The following LRRC4B variants were observed in gnomAD, a reference collection of about 807,000 sequenced individuals.
The protein encoded by LRRC4B is leucine-rich repeat-containing protein 4B.
A neutral mutation model predicts 7.3 loss-of-function variants in LRRC4B; 1 was observed. The ratio of observed to expected loss-of-function variants is 0.14; its 90% CI spans 0.05 to 0.65. LRRC4B has a LOEUF of 0.65. Ranked by LOEUF, LRRC4B falls within the 30% of genes least tolerant of loss-of-function variation. LRRC4B has a pLI of 0.84. For synonymous variants in LRRC4B, 500 were observed against 499.2 expected (o/e 1.00, Z -0.02); for missense variants, 730 against 1,041.6 (o/e 0.70, Z 4.12).
chr19:50,541,312 C>A lies in LRRC4B; in HGVS notation c.297+7230G>T, dbSNP rs1200276599. On this transcript the variant is annotated intron_variant, in intron 2 of 2. Coordinates refer to ENST00000652263, the MANE Select transcript of LRRC4B (RefSeq NM_001080457.2). ...CCTGGGAGGCGGAGGTTGCAGTGAG[C>A]CAAGATTGCACCACTGCACTCCAGC... Among the ~76,000 whole-genome samples, 5 of 147,900 alleles carry A rather than the reference C, an allele frequency of 3.4e-5. No individual in the cohort carries two copies. In the East Asian group the frequency reaches 9.7e-4, roughly 29 times the overall value.
At chr19:50,525,186 C>T (rs1476069907) in intron 2 of LRRC4B, among the ~76,000 whole-genome samples, 1 of 152,174 alleles carries the variant, frequency 6.6e-6, no homozygotes, top group Non-Finnish European at 1.5e-5. Context: ...GTCACTTGAG[C>T]TCTCTGTACC....
At chr19:50,557,028 T>C (rs1347439585) in intron 1 of LRRC4B, among the ~76,000 whole-genome samples, 3 of 151,796 alleles carry the variant, frequency 2.0e-5, no homozygotes, top group African/African-American at 7.3e-5. Context: ...GAAGGACCCC[T>C]CTGAGTGGAC....
At chr19:50,543,366 GTC>G (rs1447790066) in intron 2 of LRRC4B, among the ~76,000 whole-genome samples, 1 of 151,108 alleles carries the variant, frequency 6.6e-6, no homozygotes, top group Admixed American at 6.6e-5. Flanking sequence ...GTGTGTGTGT[GTC>G]TCTGTGTGTA....
intron 1 of LRRC4B, among the ~76,000 whole-genome samples, chr19:50,552,696 C>T (rs1483729198): frequency 8.0e-5 from 12 of 150,760 alleles, no homozygotes; most frequent in East Asian, 1.9e-4. Context: ...ATCCGTCCAT[C>T]CATCCGCCCA....
At chr19:50,542,441 G>A (rs958188395) in intron 2 of LRRC4B, among the ~76,000 whole-genome samples, 59 of 152,142 alleles carry the variant, frequency 3.9e-4, no homozygotes, top group Non-Finnish European at 1.9e-4. Context: ...CAGTGGTGGG[G>A]CCGGGGCAGG....
chr19:50,542,469 ATTTTT>A (rs58092334), intron 2 of LRRC4B, among the ~76,000 whole-genome samples: 1 of 107,234 alleles, frequency 9.3e-6, no homozygotes, highest in South Asian at 3.0e-4. Flanking sequence ...AGAATTGCTG[ATTTTT>A]TTTTTTTTTT....
rs571882889 is a variant in LRRC4B at position 50,553,103 on chromosome 19, G to T, written c.-35-4230C>A. On this transcript the variant is annotated intron_variant, in intron 1 of 2. Transcript: ENST00000652263. This position sits in a 1 kb window ranked among gnomAD's most constrained non-coding sequence, Gnocchi z 4.2. The stretch of plus-strand genomic sequence containing the variant: ...AAAGAGTTCTGTCTTCACAACATAT[G>T]CGGAATCAGACCCCAGAATCAGAGG... Among the ~76,000 whole-genome samples the T allele has an allele frequency of 2.1e-4, 32 of 152,124 alleles. No individual in the cohort carries two copies. The highest frequency in any genetic ancestry group is 3.8e-4 in the Non-Finnish European group (26 of 68,024).
chr19:50,530,345 CCCCTCACTCGCAG>C (rs1490186156), intron 2 of LRRC4B, among the ~76,000 whole-genome samples: 4 of 152,182 alleles, frequency 2.6e-5, no homozygotes, highest in African/African-American at 7.2e-5. Context: ...CTCTGCATGG[CCCCTCACTCGCAG>C]CCCTCACTCG....
At chr19:50,545,392 GAGTGAAACTCCATCTCAAAAAAAAAAAAA>G (rs1779195388) in intron 2 of LRRC4B, among the ~76,000 whole-genome samples, 1 of 131,590 alleles carries the variant, frequency 7.6e-6, no homozygotes, top group African/African-American at 2.9e-5. Context: ...TGGGTAACAA[GAGTGAAACTCCATCTCAAAAAAAAAAAAA>G]AAAAAAAGAA....
chr19:50,544,364 G>A (rs1183188985), intron 2 of LRRC4B, among the ~76,000 whole-genome samples: 25 of 151,868 alleles, frequency 1.6e-4, no homozygotes, highest in Non-Finnish European at 2.6e-4. Context: ...AAAATTAGCT[G>A]GGTGTGGTGG....
intron 2 of LRRC4B, among the ~76,000 whole-genome samples, chr19:50,534,413 C>T (rs575493582): frequency 1.8e-4 from 28 of 152,082 alleles, no homozygotes; most frequent in African/African-American, 6.5e-4. Context: ...CCTCCTGCCC[C>T]CTCACCCTAA....
rs1379111165 is a variant in LRRC4B at position 50,518,012 on chromosome 19, G to A, written c.1701C>T (p.Asp567=). ...ITDVTENALK[D]LDDVMKTTKI... ...TGGTGGTCTTCATGACGTCGTCCAG[G>A]TCCTTGAGGGCGTTCTCCGTCACAT... Residue 567 remains aspartate (D), a synonymous_variant, in exon 3 of 3, where the codon GAC becomes GAT. Transcript: ENST00000652263. 1.3e-6 allele frequency: 2 copies of A among 1,545,544 alleles called. No homozygotes were observed. Among genetic ancestry groups the A allele is most frequent in the Non-Finnish European group, 1.7e-6 (2 of 1,149,832 alleles).
At chr19:50,559,550 G>A (rs1473542549) in intron 1 of LRRC4B, among the ~76,000 whole-genome samples, 3 of 152,234 alleles carry the variant, frequency 2.0e-5, no homozygotes, top group Non-Finnish European at 4.4e-5. Flanking sequence ...CTGGGCCCTG[G>A]CCTGGCATTG....
Position 50,518,181 on chromosome 19 carries a change from T to C in LRRC4B, c.1532A>G (p.Lys511Arg). 1 of 1,607,802 alleles carries C rather than the reference T, an allele frequency of 6.2e-7. No homozygotes were observed. The highest frequency in any genetic ancestry group is 8.5e-7 in the Non-Finnish European group (1 of 1,178,732). ...EEALQPRGTEKEPPGPTTDGV... is the reference protein window; with the variant it reads ...EEALQPRGTEREPPGPTTDGV... ...GTCTGTCGTGGGCCCTGGCGGTTCC[T>C]TCTCCGTCCCCCGCGGCTGCAGGGC... The change falls in exon 3 of 3, where the codon AAG (lysine) becomes AGG (arginine). Residue 511 changes from lysine (K) to arginine (R), a missense_variant. This residue lies in a region of LRRC4B where 192 missense variants were observed against 228.6 expected (regional missense o/e 0.84). Coordinates refer to ENST00000652263, the MANE Select transcript of LRRC4B (RefSeq NM_001080457.2).
chr19:50,546,335 A>T (rs1568730015), intron 2 of LRRC4B, among the ~76,000 whole-genome samples: 1 of 152,060 alleles, frequency 6.6e-6, no homozygotes, highest in African/African-American at 2.4e-5. Context: ...ACTCTGTCTC[A>T]AAATAAATAA....
At chr19:50,561,083 TC>T (rs1460122395) in intron 1 of LRRC4B, among the ~76,000 whole-genome samples, 2 of 151,906 alleles carry the variant, frequency 1.3e-5, no homozygotes, top group Non-Finnish European at 2.9e-5. Context: ...AGAGTGAGAC[TC>T]CGTCTTAAAA....
chr19:50,549,852 G>T (rs1446434294), intron 1 of LRRC4B, among the ~76,000 whole-genome samples: 1 of 152,184 alleles, frequency 6.6e-6, no homozygotes, highest in African/African-American at 2.4e-5. Flanking sequence ...GACCGAGCTT[G>T]GTTCTCGGGG....
chr19:50,564,609 G>A (rs988035844), intron 1 of LRRC4B, among the ~76,000 whole-genome samples: 1 of 152,100 alleles, frequency 6.6e-6, no homozygotes. Flanking sequence ...GGAGGGCAAA[G>A]GGTCAGTCCC....
rs1446759263 is a variant in LRRC4B at position 50,548,512 on chromosome 19, G to A, written c.297+30C>T. 6.4e-7 allele frequency: 1 copy of A among 1,569,406 alleles called. No homozygotes were observed. Among genetic ancestry groups the A allele is most frequent in the Non-Finnish European group, 8.6e-7 (1 of 1,165,068 alleles). On this transcript the variant is annotated intron_variant, in intron 2 of 2. Coordinates refer to ENST00000652263, the MANE Select transcript of LRRC4B (RefSeq NM_001080457.2). The surrounding 1 kb of genome is among the most constrained non-coding windows in gnomAD (Gnocchi z 6.8). ...CATGCCTCCCCAGTGTCCCCTCCAA[G>A]GTCCCCCTCTGCCCGCTGGCCCCGC...
Sources: gnomAD v4.1 joint callset for allele counts (sites outside exome capture counted in the v4.1 genomes callset) on GRCh38, gnomAD v4.1.1 for gene constraint, gnomAD v4.1.1 regional missense constraint, Gnocchi (gnomAD v3.1) non-coding constraint, MANE v1.5 for transcripts, NCBI Gene and HGNC (gene_info 2026-07-23, HGNC 2026-07-21) for gene names.